The following LHPP variants were observed in gnomAD, a reference collection of about 807,000 sequenced individuals.
The protein encoded by LHPP is hLHPP.
LHPP carries 24 observed loss-of-function variants against 30.3 expected under a neutral mutation model. The ratio of observed to expected loss-of-function variants is 0.79; its 90% CI spans 0.57 to 1.11. The LOEUF is 1.11. Among genes scored for constraint, LHPP ranks in the 50% most tolerant of loss-of-function variants. The pLI is 0.00. For missense variants in LHPP, 356 were observed against 367.2 expected (o/e 0.97, Z 0.25); for synonymous variants, 150 against 157.1 (o/e 0.95, Z 0.34).
At chr10:124,567,924 T>A (rs1948518753) in intron 6 of LHPP, among the ~76,000 whole-genome samples, 2 of 152,216 alleles carry the variant, frequency 1.3e-5, no homozygotes, top group South Asian at 4.1e-4. Context: ...TTTCTTTCTT[T>A]CCTTTTTAAG....
chr10:124,543,092 T>C (rs115809511), intron 6 of LHPP, among the ~76,000 whole-genome samples: 1,802 of 152,278 alleles, frequency 0.012, 42 homozygotes, highest in African/African-American at 0.04. Flanking sequence ...GTCCTCAGGC[T>C]GTACCTGTCA....
chr10:124,526,136 T>G (rs528243255), intron 6 of LHPP: 62 of 979,042 alleles, frequency 6.3e-5, no homozygotes, highest in Admixed American at 1.2e-4. Flanking sequence ...AGCAGGGCCC[T>G]CTCTTCTCCC....
intron 6 of LHPP, among the ~76,000 whole-genome samples, chr10:124,561,678 T>C (rs2133971114): frequency 6.6e-6 from 1 of 151,676 alleles, no homozygotes; most frequent in South Asian, 2.1e-4. Context: ...GTGGGGAACC[T>C]GGACGTCCAC....
At chr10:124,550,165 T>C (rs1955447018) in intron 6 of LHPP, among the ~76,000 whole-genome samples, 1 of 152,194 alleles carries the variant, frequency 6.6e-6, no homozygotes, top group African/African-American at 2.4e-5. Context: ...CCTCCTGTGA[T>C]GGGGAGCTCA....
At chr10:124,520,897 C>T (rs1423300736) in intron 6 of LHPP, among the ~76,000 whole-genome samples, 2 of 152,218 alleles carry the variant, frequency 1.3e-5, no homozygotes, top group African/African-American at 2.4e-5. Context: ...TGTGAAAGAG[C>T]TCATGAGTAT....
intron 1 of LHPP, among the ~76,000 whole-genome samples, chr10:124,475,997 G>A (rs370739900): frequency 6.6e-6 from 1 of 152,170 alleles, no homozygotes; most frequent in African/African-American, 2.4e-5. Context: ...ATGCTTGTGG[G>A]ATCAACATGT....
rs184479750 is a variant in LHPP at position 124,585,571 on chromosome 10, C to T, written c.717-27693C>T. ...TGGAGGTTGCAGTGAGCTGAGATCG[C>T]GCCATCACACTCCAGTCTGGGCGAC... On this transcript the variant is annotated intron_variant, in intron 6 of 6. Coordinates refer to ENST00000368842, the MANE Select transcript of LHPP (RefSeq NM_022126.4). 3.9e-3 allele frequency among the ~76,000 whole-genome samples: 593 copies of T among 150,666 alleles called. 4 individuals carry two copies. Among genetic ancestry groups the T allele is most frequent in the African/African-American group, 0.013 (544 of 40,904 alleles).
Position 124,592,432 on chromosome 10 carries a change from C to A in LHPP, c.717-20832C>A, listed in dbSNP as rs868264140. Among the ~76,000 whole-genome samples the A allele has an allele frequency of 1.3e-5, 2 of 152,224 alleles. No individual in the cohort carries two copies. The highest frequency in any genetic ancestry group is 2.9e-5 in the Non-Finnish European group (2 of 68,032). On this transcript the variant is annotated intron_variant, in intron 6 of 6. Coordinates refer to ENST00000368842, the MANE Select transcript of LHPP (RefSeq NM_022126.4). This position sits in a 1 kb window ranked among gnomAD's most constrained non-coding sequence, Gnocchi z 6.2. The stretch of plus-strand genomic sequence containing the variant: ...TCAGGTTTGAGCTTTCATGATGAGA[C>A]CCTGAGGTCACTGGCGGGGAAAATG...
chr10:124,532,031 TTA>T (rs999935355), intron 6 of LHPP, among the ~76,000 whole-genome samples: 3 of 152,214 alleles, frequency 2.0e-5, no homozygotes, highest in African/African-American at 7.2e-5. Context: ...ATTCAGTGGG[TTA>T]TCGTCTGTTA....
rs1954489979 is a variant in LHPP at position 124,517,497 on chromosome 10, G to T, written c.716+226G>T. On this transcript the variant is annotated intron_variant, in intron 6 of 6. Transcript: ENST00000368842. The surrounding 1 kb of genome is among the most constrained non-coding windows in gnomAD (Gnocchi z 4.1). ...CTTTTGATACAGGGTCTGGGTTTTG[G>T]AATGGCGTGCAGTGCAGAGAGAAAT... is the stretch of plus-strand genomic sequence containing the variant. The T allele has an allele frequency of 1.7e-5, 6 of 343,668 alleles. No individual in the cohort carries two copies. The Admixed American group carries it at 3.0e-4, about 17-fold the overall frequency. The allele number at this position is 343,668 out of a possible 1,614,324, so 21.3% of individuals were successfully genotyped here. A position where few individuals can be genotyped will look rare whatever the true frequency, so the allele number is the denominator to read the frequency against.
At chr10:124,587,923 C>T (rs1948826930) in intron 6 of LHPP, among the ~76,000 whole-genome samples, 1 of 152,134 alleles carries the variant, frequency 6.6e-6, no homozygotes. Flanking sequence ...CTGCCGGCCT[C>T]TGTAAGGATG....
In LHPP at chr10:124,613,486, A is replaced by G. The variant is rs1340888862; in HGVS notation, c.*126A>G. On this transcript the variant is annotated 3_prime_UTR_variant, in exon 7 of 7. Coordinates refer to ENST00000368842, the MANE Select transcript of LHPP (RefSeq NM_022126.4). ...CCTCCTCCACCCCTGCCTCTCCTCC[A>G]CCCCTGCCTCCCCTCCACCTGCCCC... The G allele has an allele frequency of 6.4e-6, 4 of 624,138 alleles. No individual in the cohort carries two copies. Among genetic ancestry groups the G allele is most frequent in the Admixed American group, 4.9e-5 (2 of 40,892 alleles). 38.7% of individuals were successfully genotyped at this position (624,138 alleles called of 1,614,324 possible). A position where few individuals can be genotyped will look rare whatever the true frequency, so the allele number is the denominator to read the frequency against.
intron 5 of LHPP, among the ~76,000 whole-genome samples, chr10:124,509,499 T>C (rs964512876): frequency 1.3e-5 from 2 of 152,182 alleles, no homozygotes; most frequent in Non-Finnish European, 2.9e-5. Flanking sequence ...CCGTTCACCT[T>C]CCTGACCTGC....
At chr10:124,585,074 G>T (rs1392511152) in intron 6 of LHPP, among the ~76,000 whole-genome samples, 1 of 152,090 alleles carries the variant, frequency 6.6e-6, no homozygotes, top group Non-Finnish European at 1.5e-5. Context: ...AAATATTCCA[G>T]AATCAAAAAA....
At chr10:124,489,190 C>G (rs1201068053) in intron 3 of LHPP, among the ~76,000 whole-genome samples, 2 of 152,216 alleles carry the variant, frequency 1.3e-5, no homozygotes, top group African/African-American at 4.8e-5. Flanking sequence ...TTAGACAATA[C>G]AGATGAGCAA....
At chr10:124,563,264 A>G (rs551386802) in intron 6 of LHPP, among the ~76,000 whole-genome samples, 7 of 151,650 alleles carry the variant, frequency 4.6e-5, no homozygotes, top group African/African-American at 7.3e-5. Flanking sequence ...CATCCATGTC[A>G]TGCAATAGTA....
intron 5 of LHPP, among the ~76,000 whole-genome samples, chr10:124,508,200 C>A (rs908322541): frequency 6.6e-6 from 1 of 152,094 alleles, no homozygotes; most frequent in Admixed American, 6.5e-5. Context: ...CTCCCTCCCC[C>A]ATGGGTGTTT....
intron 1 of LHPP, among the ~76,000 whole-genome samples, chr10:124,479,210 G>A (rs900432536): frequency 5.9e-5 from 9 of 152,208 alleles, no homozygotes; most frequent in East Asian, 5.8e-4. Context: ...GGACCCTGCA[G>A]AAGGCCCCTT....
At chr10:124,560,341 A>AT (rs1171904107) in intron 6 of LHPP, among the ~76,000 whole-genome samples, 9 of 151,924 alleles carry the variant, frequency 5.9e-5, no homozygotes, top group South Asian at 2.1e-4. Context: ...CTCCACTCCC[A>AT]TTTTTTTTGG....
Sources: allele counts gnomAD v4.1 joint callset (sites outside exome capture counted in the v4.1 genomes callset), GRCh38; gene constraint gnomAD v4.1.1; non-coding constraint Gnocchi (gnomAD v3.1); transcripts MANE v1.5; gene names NCBI Gene and HGNC (gene_info 2026-07-23, HGNC 2026-07-21).